Variants in CPNE5 observed in about 807,000 individuals in gnomAD.
The protein encoded by CPNE5 is copine-5.
A neutral mutation model predicts 81.1 loss-of-function variants in CPNE5; 42 were observed. The ratio of observed to expected loss-of-function variants is 0.52; its 90% CI spans 0.40 to 0.67. CPNE5 has a LOEUF of 0.67. CPNE5 is among the 30% of genes least tolerant of loss of function. The pLI is 0.00. For synonymous variants in CPNE5, 313 were observed against 321.5 expected, an observed-to-expected ratio of 0.97 and a Z score of 0.28; for missense variants, 612 against 815.5, an observed-to-expected ratio of 0.75 and a Z score of 3.04.
chr6:36,827,562 G>T, intron 1 of CPNE5: 2 of 985,266 alleles, frequency 2.0e-6, no homozygotes, highest in Non-Finnish European at 2.4e-6. Context: ...CGTCTCTTAG[G>T]GCCTCAGTTT....
intron 3 of CPNE5, among the ~76,000 whole-genome samples, chr6:36,809,606 A>C (rs1024793382): frequency 1.3e-5 from 2 of 152,046 alleles, no homozygotes; most frequent in Admixed American, 1.3e-4. Context: ...CAACAACAAA[A>C]AGCCAAAACA....
chr6:36,831,497 G>A (rs1772986206), intron 1 of CPNE5, among the ~76,000 whole-genome samples: 1 of 151,972 alleles, frequency 6.6e-6, no homozygotes, highest in African/African-American at 2.4e-5. Context: ...GGGATTACAG[G>A]CGCCCGCCAC....
intron 14 of CPNE5, among the ~76,000 whole-genome samples, chr6:36,752,258 C>G (rs1270973415): frequency 6.6e-6 from 1 of 152,176 alleles, no homozygotes; most frequent in Non-Finnish European, 1.5e-5. Flanking sequence ...CTGCCCACGC[C>G]CTGACCTGGC....
intron 3 of CPNE5, among the ~76,000 whole-genome samples, chr6:36,805,576 C>G (rs1007296208): frequency 6.6e-6 from 1 of 152,130 alleles, no homozygotes; most frequent in Non-Finnish European, 1.5e-5. Context: ...CAAGTGTGCA[C>G]TGGGGAGGCT....
rs1313700391 is a variant in CPNE5 at position 36,743,054 on chromosome 6, C to T, written c.1564-568G>A. 6 of 985,328 alleles carry T rather than the reference C, an allele frequency of 6.1e-6. No homozygotes were observed. The South Asian group carries it at 1.4e-4, about 23-fold the overall frequency. 61.0% of individuals were successfully genotyped at this position (985,328 alleles called of 1,614,324 possible). The stretch of plus-strand genomic sequence containing the variant: ...TCCCAGGTTGTCTTGCTCTGGTTTC[C>T]AGCCCCCTATGTTTGGTCTCCACAC... On this transcript the variant is annotated intron_variant, in intron 20 of 20. Transcript: ENST00000244751.
intron 10 of CPNE5, among the ~76,000 whole-genome samples, chr6:36,768,225 C>CTTTTTTTTTTTTTTTTTTTTTTTTTTTT (rs10586762): frequency 3.3e-5 from 2 of 60,496 alleles, no homozygotes; most frequent in African/African-American, 6.4e-5. Flanking sequence ...ATTCACAGTT[C>CTTTTTTTTTTTTTTTTTTTTTTTTTTTT]TTTTTTTTTT....
At chr6:36,796,735 G>A (rs1210424649) in intron 6 of CPNE5, among the ~76,000 whole-genome samples, 1 of 152,064 alleles carries the variant, frequency 6.6e-6, no homozygotes, top group African/African-American at 2.4e-5. Flanking sequence ...CCAAAACAGG[G>A]GTTTTCCCCC....
In CPNE5 at chr6:36,772,266, G is replaced by A. The variant is rs147013361; in HGVS notation, c.737+2695C>T. Among the ~76,000 whole-genome samples the A allele has an allele frequency of 7.7e-4, 116 of 151,592 alleles. 2 individuals carry two copies. The highest frequency in any genetic ancestry group is 2.2e-3 in the Admixed American group (34 of 15,218). ...TTTGTTTCCATCTCCCTTTATTCCCGTGCCCCTGTCCCCAGGATCCTCCAC... is the reference window on the plus strand; with the variant it reads ...TTTGTTTCCATCTCCCTTTATTCCCATGCCCCTGTCCCCAGGATCCTCCAC... On this transcript the variant is annotated intron_variant, in intron 10 of 20. Transcript: ENST00000244751.
intron 1 of CPNE5, chr6:36,827,553 G>A (rs1180576444): frequency 2.0e-6 from 2 of 985,322 alleles, no homozygotes; most frequent in Admixed American, 6.1e-5. Context: ...TTGAGACACC[G>A]TCTCTTAGGG....
intron 6 of CPNE5, among the ~76,000 whole-genome samples, chr6:36,797,947 T>C (rs925391346): frequency 6.6e-6 from 1 of 152,068 alleles, no homozygotes; most frequent in Non-Finnish European, 1.5e-5. Flanking sequence ...TCCTGGGCCT[T>C]CCCAGGAGAT....
chr6:36,833,535 C>T (rs1325524613), intron 1 of CPNE5, among the ~76,000 whole-genome samples: 1 of 152,210 alleles, frequency 6.6e-6, no homozygotes, highest in African/African-American at 2.4e-5. Flanking sequence ...GAGAGATTCT[C>T]CTGCTGACCT....
chr6:36,778,273 A>G (rs573209611), intron 9 of CPNE5, among the ~76,000 whole-genome samples: 2 of 152,272 alleles, frequency 1.3e-5, no homozygotes, highest in Admixed American at 1.3e-4. Flanking sequence ...GTATGCTTCC[A>G]TCTTATTGTG....
At chr6:36,806,737 T>G (rs1022086309) in intron 3 of CPNE5, among the ~76,000 whole-genome samples, 10 of 152,226 alleles carry the variant, frequency 6.6e-5, no homozygotes, top group Non-Finnish European at 1.3e-4. Context: ...AGCCCCTGCC[T>G]CCACCCTATT....
At chr6:36,796,753 A>G (rs923554985) in intron 6 of CPNE5, among the ~76,000 whole-genome samples, 3 of 152,188 alleles carry the variant, frequency 2.0e-5, no homozygotes, top group African/African-American at 7.2e-5. Flanking sequence ...CCCATTCTCA[A>G]TAAATGATAG....
At chr6:36,747,062 C>A (rs1328431316) in intron 15 of CPNE5, among the ~76,000 whole-genome samples, 1 of 152,174 alleles carries the variant, frequency 6.6e-6, no homozygotes, top group African/African-American at 2.4e-5. Context: ...GCCATTCCCA[C>A]CTCAGGACCT....
intron 1 of CPNE5, among the ~76,000 whole-genome samples, chr6:36,833,334 G>C (rs1773125028): frequency 6.6e-6 from 1 of 152,170 alleles, no homozygotes; most frequent in Non-Finnish European, 1.5e-5. Flanking sequence ...AGAAATATAA[G>C]ATGGCCTCCA....
chr6:36,775,506 T>G (rs1399359870), intron 9 of CPNE5, among the ~76,000 whole-genome samples: 1 of 152,168 alleles, frequency 6.6e-6, no homozygotes, highest in African/African-American at 2.4e-5. Context: ...CCGGAAACAC[T>G]AGGAGAAATT....
At chr6:36,771,075 C>T (rs1766998341) in intron 10 of CPNE5, among the ~76,000 whole-genome samples, 1 of 152,006 alleles carries the variant, frequency 6.6e-6, no homozygotes, top group African/African-American at 2.4e-5. Context: ...TCTTGCTGTT[C>T]CCCTCTCCTC....
In CPNE5 at chr6:36,746,315, A is replaced by G; in HGVS notation, c.1200+81T>C. 7.1e-7 allele frequency: 1 copy of G among 1,401,090 alleles called. No individual in the cohort carries two copies. Among genetic ancestry groups the G allele is most frequent in the Non-Finnish European group, 9.5e-7 (1 of 1,054,996 alleles). 86.8% of individuals were successfully genotyped at this position (1,401,090 alleles called of 1,614,324 possible). On this transcript the variant is annotated intron_variant, in intron 16 of 20. Transcript: ENST00000244751. This position sits in a 1 kb window ranked among gnomAD's most constrained non-coding sequence, Gnocchi z 4.5. Reference sequence around the variant, plus strand: ...GCCTTAAGTCCCCGGGCTCAGAGGAAGGGAAACGTCCCCCCACCCCCAGCT... The same window carrying G: ...GCCTTAAGTCCCCGGGCTCAGAGGAGGGGAAACGTCCCCCCACCCCCAGCT...
Sources: gnomAD v4.1 joint callset for allele counts (sites outside exome capture counted in the v4.1 genomes callset) on GRCh38, gnomAD v4.1.1 for gene constraint, Gnocchi (gnomAD v3.1) non-coding constraint, MANE v1.5 for transcripts, NCBI Gene and HGNC (gene_info 2026-07-23, HGNC 2026-07-21) for gene names.